Variants in LEKR1 observed in about 807,000 individuals in gnomAD.
The protein encoded by LEKR1 is protein LEKR1.
In LEKR1, 59 loss-of-function variants were observed where a neutral mutation model predicts 72.4. The ratio of observed to expected loss-of-function variants is 0.82; its 90% confidence interval spans 0.66 to 1.01. The LOEUF (loss-of-function observed/expected upper bound fraction) is 1.01, where lower values mean the gene tolerates loss of function less well. Among genes scored for constraint, LEKR1 ranks in the 50% least tolerant of loss-of-function variants. The pLI, the probability that LEKR1 is intolerant of heterozygous loss-of-function variation, is 0.00. For missense variants in LEKR1, 728 were observed against 759.2 expected, an observed-to-expected ratio of 0.96 and a Z score of 0.48; for synonymous variants, 257 against 263.2, an observed-to-expected ratio of 0.98 and a Z score of 0.23.
chr3:156,842,470 GAA>G (rs1280732375), intron 2 of LEKR1, among the ~76,000 whole-genome samples: 1 of 151,964 alleles, frequency 6.6e-6, no homozygotes. Context: ...GGTGAGTGTA[GAA>G]ATCAGGGAAG....
At chr3:156,921,401 A>G (rs182931300) in intron 4 of LEKR1, among the ~76,000 whole-genome samples, 187 of 152,292 alleles carry the variant, frequency 1.2e-3, no homozygotes, top group Non-Finnish European at 2.1e-3. Context: ...AATTATTACC[A>G]GGAATATTCT....
intron 5 of LEKR1, among the ~76,000 whole-genome samples, chr3:156,933,885 G>A (rs574401609): frequency 3.9e-5 from 6 of 152,140 alleles, no homozygotes; most frequent in Non-Finnish European, 7.4e-5. Context: ...TCCTCCCTTA[G>A]AAAGCTTCAC....
chr3:156,865,331 C>T (rs558713706), intron 3 of LEKR1, among the ~76,000 whole-genome samples: 155 of 152,012 alleles, frequency 1.0e-3, no homozygotes, highest in Non-Finnish European at 1.9e-3. Context: ...GTCTGTAAAA[C>T]GGGAATACTA....
chr3:156,880,209 G>A (rs543569975), intron 3 of LEKR1, among the ~76,000 whole-genome samples: 136 of 152,334 alleles, frequency 8.9e-4, no homozygotes, highest in African/African-American at 2.7e-3. Flanking sequence ...CCACAGGGGC[G>A]GAGCTGCCCA....
At chr3:156,896,735 A>G (rs891209528) in intron 3 of LEKR1, among the ~76,000 whole-genome samples, 14 of 152,226 alleles carry the variant, frequency 9.2e-5, no homozygotes, top group Non-Finnish European at 1.8e-4. Flanking sequence ...ATTTATACAT[A>G]CATATGCATG....
chr3:156,977,458 C>G, intron 6 of LEKR1: 5 of 477,966 alleles, frequency 1.0e-5, no homozygotes, highest in South Asian at 8.3e-5. Flanking sequence ...AACTCAGTGC[C>G]CACCCCTTGC....
At chr3:156,879,867 C>T (rs762323626) in intron 3 of LEKR1, among the ~76,000 whole-genome samples, 28 of 152,146 alleles carry the variant, frequency 1.8e-4, no homozygotes, top group African/African-American at 2.9e-4. Flanking sequence ...GTTGAGTCTG[C>T]GGGTGCACAG....
rs547692927 is a variant in LEKR1 at position 156,905,695 on chromosome 3, A to G, written c.264-14880A>G. On this transcript the variant is annotated intron_variant, in intron 3 of 12. Coordinates refer to ENST00000356539, the MANE Select transcript of LEKR1 (RefSeq NM_001004316.3). ...TAAATACTAAATGATTTATCTATCA[A>G]TAATAGTTGGATCCCCCCATTCCCT... is the stretch of plus-strand genomic sequence containing the variant. Among the ~76,000 whole-genome samples the G allele has an allele frequency of 6.6e-5, 10 of 152,286 alleles. No individual in the cohort carries two copies. In the South Asian group the frequency reaches 1.7e-3, roughly 25 times the overall value.
rs554400297 is a variant in LEKR1 at position 156,850,038 on chromosome 3, C to T, written c.49-2730C>T. Among the ~76,000 whole-genome samples, 9 of 152,098 alleles carry T rather than the reference C, an allele frequency of 5.9e-5. No homozygotes were observed. The South Asian group carries it at 1.9e-3, about 32-fold the overall frequency. Reference sequence around the variant, plus strand: ...ACAAAGGGCTAATATCCAGAATCTACAATGAACTCAGACAAATTTACAAGA... The same window carrying T: ...ACAAAGGGCTAATATCCAGAATCTATAATGAACTCAGACAAATTTACAAGA... On this transcript the variant is annotated intron_variant, in intron 2 of 12. Coordinates refer to ENST00000356539, the MANE Select transcript of LEKR1 (RefSeq NM_001004316.3).
At chr3:157,000,364 G>A (rs1279940860) in intron 9 of LEKR1, among the ~76,000 whole-genome samples, 1 of 152,050 alleles carries the variant, frequency 6.6e-6, no homozygotes, top group Non-Finnish European at 1.5e-5. Flanking sequence ...GCTATATCTA[G>A]TATTAGATAA....
chr3:157,002,935 A>C (rs1272501574), intron 9 of LEKR1, among the ~76,000 whole-genome samples: 1 of 152,178 alleles, frequency 6.6e-6, no homozygotes, highest in Non-Finnish European at 1.5e-5. Context: ...CATCAGAGGA[A>C]TGCATTTGGA....
intron 6 of LEKR1, among the ~76,000 whole-genome samples, chr3:156,966,074 A>G (rs996697956): frequency 3.3e-5 from 5 of 152,202 alleles, no homozygotes; most frequent in Admixed American, 2.6e-4. Flanking sequence ...TAATTAACTA[A>G]TGTAACTAAA....
intron 7 of LEKR1, among the ~76,000 whole-genome samples, chr3:156,986,003 G>A (rs1256946692): frequency 2.6e-5 from 4 of 152,098 alleles, no homozygotes; most frequent in Non-Finnish European, 4.4e-5. Flanking sequence ...GATGTGATTC[G>A]ATGATGGAGG....
intron 12 of LEKR1, among the ~76,000 whole-genome samples, chr3:157,035,352 G>A (rs552874260): frequency 2.0e-5 from 3 of 152,276 alleles, no homozygotes; most frequent in South Asian, 4.1e-4. Context: ...CATCAGAGAT[G>A]TCCTCCCAGT....
At chr3:156,833,870 G>A (rs1356146249) in intron 2 of LEKR1, among the ~76,000 whole-genome samples, 1 of 150,764 alleles carries the variant, frequency 6.6e-6, no homozygotes, top group Non-Finnish European at 1.5e-5. Context: ...AATAAAGGTA[G>A]CATGTGGCTA....
At chr3:156,945,035 A>G (rs1030434992) in intron 6 of LEKR1, among the ~76,000 whole-genome samples, 9 of 151,658 alleles carry the variant, frequency 5.9e-5, no homozygotes, top group African/African-American at 1.9e-4. Context: ...ATTACCACCA[A>G]CAGTGTTCAA....
At chr3:157,010,912 G>A (rs1178862981) in intron 9 of LEKR1, among the ~76,000 whole-genome samples, 3 of 151,916 alleles carry the variant, frequency 2.0e-5, no homozygotes, top group Non-Finnish European at 4.4e-5. Flanking sequence ...AATTTGGTTT[G>A]TTCCTATCAA....
At chr3:156,867,704 T>A (rs1717475049) in intron 3 of LEKR1, among the ~76,000 whole-genome samples, 1 of 152,086 alleles carries the variant, frequency 6.6e-6, no homozygotes, top group Admixed American at 6.6e-5. Flanking sequence ...TTGTATTTTG[T>A]GTGTGTGTTT....
rs1456986841 is a variant in LEKR1 at position 156,899,550 on chromosome 3, A to ATG, written c.264-21025_264-21024insTG. Among the ~76,000 whole-genome samples the ATG allele has an allele frequency of 5.3e-3, 506 of 95,760 alleles. 11 individuals are homozygous for ATG. The highest frequency in any genetic ancestry group is 9.1e-3 in the African/African-American group (174 of 19,196). The allele number at this position is 95,760 out of a possible 152,430, so 62.8% of individuals were successfully genotyped here. A position where few individuals can be genotyped will look rare whatever the true frequency, so the allele number is the denominator to read the frequency against. On this transcript the variant is annotated intron_variant, in intron 3 of 12. Transcript: ENST00000356539. ...TATATACACATATATACATATATAC[A>ATG]CATATATACATATACATGTATATAT...
Sources: gnomAD v4.1 joint callset for allele counts (sites outside exome capture counted in the v4.1 genomes callset) on GRCh38, gnomAD v4.1.1 for gene constraint, MANE v1.5 for transcripts, NCBI Gene and HGNC (gene_info 2026-07-23, HGNC 2026-07-21) for gene names.